ZNF280B: variants seen among roughly 807,000 people sequenced by gnomAD.
ZNF280B encodes zinc finger protein 280B.
Under a neutral mutation model 38.0 loss-of-function variants are expected in ZNF280B, and 16 were observed. The observed-to-expected ratio is 0.42, with a 90% CI of 0.28 to 0.64. The LOEUF is 0.64. ZNF280B is among the 30% of genes least tolerant of loss of function. The probability of loss-of-function intolerance (pLI) is 0.21; values close to 1 mark genes in which losing one functional copy is unlikely to be tolerated. For synonymous variants in ZNF280B, 253 were observed against 230.6 expected, an observed-to-expected ratio of 1.10 and a Z score of -0.88; for missense variants, 581 against 639.6, an observed-to-expected ratio of 0.91 and a Z score of 0.99.
chr22:22,500,559 G>C (rs2061795970), intron 2 of ZNF280B, among the ~76,000 whole-genome samples: 1 of 151,704 alleles, frequency 6.6e-6, no homozygotes, highest in East Asian at 2.0e-4. Context: ...CAAATTCATA[G>C]AAACAGAAAG....
intron 2 of ZNF280B, among the ~76,000 whole-genome samples, chr22:22,501,684 T>A (rs570016241): frequency 6.7e-6 from 1 of 150,242 alleles, no homozygotes; most frequent in South Asian, 2.1e-4. Context: ...TGAAGATCAG[T>A]CCAAGCAATG....
chr22:22,492,627 C>G (rs1207623961), intron 3 of ZNF280B, among the ~76,000 whole-genome samples: 1 of 151,922 alleles, frequency 6.6e-6, no homozygotes, highest in Non-Finnish European at 1.5e-5. Flanking sequence ...TGGCTCATGC[C>G]TGTAATCCCA....
rs1354241708 is a variant in ZNF280B at position 22,489,318 on chromosome 22, A to C, written c.81T>G (p.Asp27Glu). The C allele has an allele frequency of 6.2e-7, 1 of 1,613,776 alleles. No individual in the cohort carries two copies. Among genetic ancestry groups the C allele is most frequent in the South Asian group, 1.1e-5 (1 of 91,054 alleles). ...IQETKQVDDE[D>E]AELIFVGVEH... Reference sequence around the variant, plus strand: ...CCACACCAACAAAGATGAGCTCAGCATCTTCGTCATCTACTTGTTTGGTTT... The same window carrying C: ...CCACACCAACAAAGATGAGCTCAGCCTCTTCGTCATCTACTTGTTTGGTTT... The change falls in exon 4 of 4, where the codon GAT becomes GAG. Residue 27 changes from aspartate (D) to glutamate (E), a missense_variant. Physicochemically the swap from Asp to Glu is conservative, Grantham distance 45. Transcript: ENST00000626650.
chr22:22,507,185 G>A (rs531874519), intron 2 of ZNF280B, among the ~76,000 whole-genome samples: 3 of 151,968 alleles, frequency 2.0e-5, no homozygotes, highest in Non-Finnish European at 2.9e-5. Context: ...AGTCAATTCC[G>A]CAGAGACTGA....
chr22:22,501,035 A>AAAAAAACAAAAAAC lies in ZNF280B; in HGVS notation c.-187+6761_-187+6774dup, dbSNP rs1555942000. Reference sequence around the variant, plus strand: ...ACTCCGTCTCAAAAAAAAAAAAAAAAAAAAAACAAAAAACCAAAAAAACAA... The same window carrying AAAAAAACAAAAAAC: ...ACTCCGTCTCAAAAAAAAAAAAAAAAAAAAAACAAAAAACAAAAAACAAAAAACCAAAAAAACAA... On this transcript the variant is annotated intron_variant, in intron 2 of 3. Transcript: ENST00000626650. Among the ~76,000 whole-genome samples the AAAAAAACAAAAAAC allele has an allele frequency of 2.4e-4, 34 of 140,352 alleles. 1 individual carries two copies. The highest frequency in any genetic ancestry group is 2.8e-4 in the African/African-American group (10 of 36,160). 92.1% of individuals were successfully genotyped at this position (140,352 alleles called of 152,430 possible).
rs1414177369 is a variant in ZNF280B at position 22,489,114 on chromosome 22, T to C, written c.285A>G (p.Thr95=). ...CTGGCAGGACGGTCACTGCTTCTGATGTAACGGTCTCATGACTTTTAGGCT... is the reference window on the plus strand; with the variant it reads ...CTGGCAGGACGGTCACTGCTTCTGACGTAACGGTCTCATGACTTTTAGGCT... ...KLQPKSHETV[T]SEAVTVLPAS... The change falls in exon 4 of 4, where the codon ACA becomes ACG. Residue 95 remains threonine (T), a synonymous_variant. Coordinates refer to ENST00000626650, the MANE Select transcript of ZNF280B (RefSeq NM_080764.4). The C allele has an allele frequency of 6.2e-7, 1 of 1,613,924 alleles. No homozygotes were observed. Among genetic ancestry groups the C allele is most frequent in the Non-Finnish European group, 8.5e-7 (1 of 1,179,972 alleles).
Position 22,488,606 on chromosome 22 carries a change from A to C in ZNF280B, c.793T>G (p.Leu265Val). 1.2e-6 allele frequency: 2 copies of C among 1,613,860 alleles called. No individual in the cohort carries two copies. Among genetic ancestry groups the C allele is most frequent in the South Asian group, 2.2e-5 (2 of 91,062 alleles). Reference protein sequence around the residue: ...RANELAKTDILSLTSQNKTFD... With the variant: ...RANELAKTDIVSLTSQNKTFD... The stretch of plus-strand genomic sequence containing the variant: ...GTCTTGTTTTGACTTGTTAGACTCA[A>C]AATGTCTGTTTTTGCCAATTCATTT... Residue 265 changes from leucine to valine, a missense_variant, in exon 4 of 4, where the codon TTG (leucine) becomes GTG (valine). Physicochemically the swap from Leu to Val is conservative, Grantham distance 32. Coordinates refer to ENST00000626650, the MANE Select transcript of ZNF280B (RefSeq NM_080764.4).
At chr22:22,502,581 A>G (rs1454789851) in intron 2 of ZNF280B, among the ~76,000 whole-genome samples, 1 of 152,018 alleles carries the variant, frequency 6.6e-6, no homozygotes, top group Non-Finnish European at 1.5e-5. Flanking sequence ...GTACAATGAA[A>G]TACTATTCAG....
intron 2 of ZNF280B, among the ~76,000 whole-genome samples, chr22:22,501,019 C>CAAAAAAAAAAAAAAAAAAAAAAAAA (rs56907724): frequency 3.3e-5 from 2 of 60,266 alleles, no homozygotes; most frequent in Non-Finnish European, 6.7e-5. Flanking sequence ...GACTCCGTCT[C>CAAAAAAAAAAAAAAAAAAAAAAAAA]AAAAAAAAAA....
Position 22,489,678 on chromosome 22 carries a change from TAA to T in ZNF280B, c.-68-214_-68-213del, listed in dbSNP as rs75673310. On this transcript the variant is annotated intron_variant, in intron 3 of 3. Transcript: ENST00000626650. The stretch of plus-strand genomic sequence containing the variant: ...GTACTGATTGTGCTCTATTCCATTT[TAA>T]AAAAAAAAACCTACCAGCAGCTAAT... Among the ~76,000 whole-genome samples, 112 of 145,652 alleles carry T rather than the reference TAA, an allele frequency of 7.7e-4. 2 individuals are homozygous for T. The East Asian group carries it at 0.022, about 28-fold the overall frequency.
intron 2 of ZNF280B, among the ~76,000 whole-genome samples, chr22:22,504,169 C>G (rs1254270196): frequency 6.6e-6 from 1 of 152,004 alleles, no homozygotes; most frequent in African/African-American, 2.4e-5. Context: ...CATGGTGGCT[C>G]ACGCCTGTAA....
At chr22:22,502,415 A>G (rs2061843837) in intron 2 of ZNF280B, among the ~76,000 whole-genome samples, 1 of 151,982 alleles carries the variant, frequency 6.6e-6, no homozygotes, top group South Asian at 2.1e-4. Context: ...GCGTTACCAT[A>G]TGACCCAACA....
In ZNF280B at chr22:22,488,392, T is replaced by C. The variant is rs756186365; in HGVS notation, c.1007A>G (p.Asn336Ser). 3 of 1,613,872 alleles carry C rather than the reference T, an allele frequency of 1.9e-6. No homozygotes were observed. The highest frequency in any genetic ancestry group is 3.3e-5 in the Admixed American group (2 of 59,980). The stretch of plus-strand genomic sequence containing the variant: ...GGTGGTGTGGTTTTCCCAGCTGTCG[T>C]TCCTCTGCTTCTCAAATTCCAAATG... ...KHHLEFEKQR[N>S]DSWENHTTCQ... Residue 336 changes from asparagine to serine, a missense_variant, in exon 4 of 4, where the codon AAC (asparagine) becomes AGC (serine). Transcript: ENST00000626650.
chr22:22,500,095 CATT>C (rs1187285260), intron 2 of ZNF280B, among the ~76,000 whole-genome samples: 1 of 151,820 alleles, frequency 6.6e-6, no homozygotes, highest in African/African-American at 2.4e-5. Context: ...AAAAAACAAA[CATT>C]GTTGGAAAGA....
intron 2 of ZNF280B, among the ~76,000 whole-genome samples, chr22:22,506,699 T>G (rs910630419): frequency 6.6e-6 from 1 of 151,884 alleles, no homozygotes; most frequent in African/African-American, 2.4e-5. Flanking sequence ...ATAGAAAACT[T>G]AACCCTAGAC....
chr22:22,508,467 G>C (rs923684309), intron 1 of ZNF280B, among the ~76,000 whole-genome samples, 192 bp downstream of exon 1: 1 of 151,680 alleles, frequency 6.6e-6, no homozygotes, highest in Non-Finnish European at 1.5e-5. Context: ...TAGGGAAGGG[G>C]GTGTGCGTGA....
At chr22:22,493,034 G>A (rs1289972599) in intron 3 of ZNF280B, among the ~76,000 whole-genome samples, 2 of 151,312 alleles carry the variant, frequency 1.3e-5, no homozygotes, top group African/African-American at 2.4e-5. Context: ...TTTTCAAGAC[G>A]GAGTCTTGCT....
At chr22:22,508,743 G>C (rs1029234697), upstream of ZNF280B, 1 of 151,882 alleles carries the variant, frequency 6.6e-6, no homozygotes, top group African/African-American at 2.4e-5. Flanking sequence ...CGGCGACTAC[G>C]CCTCCTCAGG....
chr22:22,490,442 G>C (rs942491554), intron 3 of ZNF280B, among the ~76,000 whole-genome samples: 1 of 151,852 alleles, frequency 6.6e-6, no homozygotes, highest in Admixed American at 6.6e-5. Context: ...CTTCACTGTA[G>C]TCACACTAAC....
Sources: gnomAD v4.1 joint callset for allele counts (sites outside exome capture counted in the v4.1 genomes callset) on GRCh38, gnomAD v4.1.1 for gene constraint, MANE v1.5 for transcripts, NCBI Gene and HGNC (gene_info 2026-07-23, HGNC 2026-07-21) for gene names.